Variants in ZNF423 observed in about 807,000 individuals in gnomAD.
The protein encoded by ZNF423 is zinc finger protein 423.
ZNF423 carries 12 observed loss-of-function variants against 95.8 expected under a neutral mutation model. The observed-to-expected ratio is 0.13, with a 90% CI of 0.08 to 0.20. The LOEUF is 0.20. Among genes scored for constraint, ZNF423 ranks in the 10% least tolerant of loss-of-function variants. The pLI, the probability that ZNF423 is intolerant of heterozygous loss-of-function variation, is 1.00. For synonymous variants in ZNF423, 749 were observed against 711.9 expected, an observed-to-expected ratio of 1.05 and a Z score of -0.83; for missense variants, 1,316 against 1,737.1, an observed-to-expected ratio of 0.76 and a Z score of 4.31.
intron 2 of ZNF423, among the ~76,000 whole-genome samples, chr16:49,781,722 G>A (rs2034216414): frequency 6.6e-6 from 1 of 152,198 alleles, no homozygotes; most frequent in Admixed American, 6.5e-5. Context: ...AAAACCTCGG[G>A]GCAAAGGACT....
At chr16:49,846,803 T>C (rs2242466) in intron 1 of ZNF423, among the ~76,000 whole-genome samples, 43,319 of 152,114 alleles carry the variant, frequency 0.28, 6,274 homozygotes, top group Middle Eastern at 0.36. Context: ...GACAAAGCCA[T>C]ATCTCTTGTT....
intron 2 of ZNF423, among the ~76,000 whole-genome samples, chr16:49,737,734 C>T (rs903533213): frequency 6.6e-6 from 1 of 152,254 alleles, no homozygotes; most frequent in Non-Finnish European, 1.5e-5. Context: ...CCTACCTTCC[C>T]AGCAGGGCTT....
At chr16:49,532,198 A>C (rs1968871301) in intron 5 of ZNF423, among the ~76,000 whole-genome samples, 2 of 152,228 alleles carry the variant, frequency 1.3e-5, no homozygotes, top group Non-Finnish European at 2.9e-5. Flanking sequence ...GATGGAAATG[A>C]TGCGAGTATA....
chr16:49,569,184 A>C (rs1277336159), intron 5 of ZNF423, among the ~76,000 whole-genome samples: 1 of 152,196 alleles, frequency 6.6e-6, no homozygotes, highest in Non-Finnish European at 1.5e-5. Context: ...CCTGGATGAC[A>C]AAATCCTTCT....
At chr16:49,578,314 GC>G (rs1970560474) in intron 5 of ZNF423, among the ~76,000 whole-genome samples, 1 of 152,156 alleles carries the variant, frequency 6.6e-6, no homozygotes, top group South Asian at 2.1e-4. Flanking sequence ...CCTGGCTCCA[GC>G]GGGGGAAGGA....
At chr16:49,659,149 C>T (rs1454236161) in intron 3 of ZNF423, among the ~76,000 whole-genome samples, 3 of 152,204 alleles carry the variant, frequency 2.0e-5, no homozygotes, top group South Asian at 2.1e-4. Context: ...AGTGCAGTGG[C>T]GCAATCATAG....
rs752875773 is a variant in ZNF423, at chr16:49,637,255, G to T, written c.1921C>A (p.Pro641Thr). 1.9e-6 allele frequency: 3 copies of T among 1,614,166 alleles called. No homozygotes were observed. The highest frequency in any genetic ancestry group is 2.5e-6 in the Non-Finnish European group (3 of 1,180,040). ...SANSISNGEY[P>T]CNQCDLKFSN... is the part of the protein sequence containing the mutation. ...AACTTGAGGTCGCATTGATTGCAAG[G>T]ATACTCCCCATTGGAGATGGAGTTG... The change falls in exon 4 of 8, where the codon CCT (proline) becomes ACT (threonine). Residue 641 changes from proline to threonine, a missense_variant. This residue lies in a region of ZNF423 where 620 missense variants were observed against 775.6 expected (regional missense o/e 0.80). Transcript: ENST00000563137. The surrounding 1 kb of genome is among the most constrained non-coding windows in gnomAD (Gnocchi z 5.6).
At chr16:49,838,808 C>T (rs1182484533) in intron 1 of ZNF423, among the ~76,000 whole-genome samples, 1 of 151,770 alleles carries the variant, frequency 6.6e-6, no homozygotes, top group East Asian at 1.9e-4. Flanking sequence ...CCGCCGCGGC[C>T]GCTTTGTGCC....
At chr16:49,679,832 G>T (rs574505691) in intron 3 of ZNF423, among the ~76,000 whole-genome samples, 13 of 152,372 alleles carry the variant, frequency 8.5e-5, no homozygotes, top group African/African-American at 3.1e-4. Context: ...AGCCCAGAGT[G>T]AGAACTTATG....
chr16:49,555,813 T>C (rs184141010), intron 5 of ZNF423, among the ~76,000 whole-genome samples: 2 of 151,654 alleles, frequency 1.3e-5, no homozygotes, highest in African/African-American at 2.4e-5. Flanking sequence ...AATGAAGAGG[T>C]TGGTGAGATG....
At position 49,637,277 on chromosome 16, in the gene ZNF423, G is replaced by A; in HGVS notation, c.1899C>T (p.Asn633=). Residue 633 remains asparagine, a synonymous_variant, in exon 4 of 8, where the codon AAC becomes AAT. Transcript: ENST00000563137. The surrounding 1 kb of genome is among the most constrained non-coding windows in gnomAD (Gnocchi z 5.6). Reference sequence around the variant, plus strand: ...AAGGATACTCCCCATTGGAGATGGAGTTGGCGCTTGCTGAGAGCCGCTGCC... The same window carrying A: ...AAGGATACTCCCCATTGGAGATGGAATTGGCGCTTGCTGAGAGCCGCTGCC... ...PKRQRLSASA[N]SISNGEYPCN... The A allele has an allele frequency of 6.2e-7, 1 of 1,614,240 alleles. No individual in the cohort carries two copies. The highest frequency in any genetic ancestry group is 1.7e-5 in the Admixed American group (1 of 60,034).
chr16:49,666,531 C>A (rs1233378333), intron 3 of ZNF423, among the ~76,000 whole-genome samples: 1 of 152,220 alleles, frequency 6.6e-6, no homozygotes, highest in Non-Finnish European at 1.5e-5. Flanking sequence ...TACACAGACA[C>A]ACAGTTCTAT....
intron 5 of ZNF423, among the ~76,000 whole-genome samples, chr16:49,548,394 G>A (rs1014866192): frequency 6.6e-6 from 1 of 152,120 alleles, no homozygotes; most frequent in Non-Finnish European, 1.5e-5. Flanking sequence ...CTATTTAATG[G>A]TACAAAGCAA....
chr16:49,764,256 G>A (rs893452941), intron 2 of ZNF423, among the ~76,000 whole-genome samples: 3 of 152,294 alleles, frequency 2.0e-5, no homozygotes, highest in Middle Eastern at 3.4e-3. Context: ...CAGCATAAGA[G>A]AAGACCATGC....
chr16:49,605,903 C>T (rs1045698344), intron 5 of ZNF423, among the ~76,000 whole-genome samples: 5 of 152,186 alleles, frequency 3.3e-5, no homozygotes, highest in African/African-American at 4.8e-5. Flanking sequence ...AGCAGATTCC[C>T]GGGAAAGGTG....
At chr16:49,810,498 G>A (rs1008299723) in intron 1 of ZNF423, among the ~76,000 whole-genome samples, 1 of 152,190 alleles carries the variant, frequency 6.6e-6, no homozygotes, top group East Asian at 1.9e-4. Context: ...CTGAGGGCCC[G>A]ACTCAGCTGA....
chr16:49,631,539 C>A (rs1046089063), intron 4 of ZNF423, among the ~76,000 whole-genome samples: 1 of 152,192 alleles, frequency 6.6e-6, no homozygotes, highest in African/African-American at 2.4e-5. Context: ...TGGGGCCCAG[C>A]CCAGGAGAAC....
chr16:49,514,484 G>T (rs1249226232), intron 7 of ZNF423, among the ~76,000 whole-genome samples: 2 of 152,134 alleles, frequency 1.3e-5, no homozygotes, highest in African/African-American at 4.8e-5. Context: ...TGAATCAAAT[G>T]TTCTCAAGGG....
At chr16:49,740,952 T>C (rs2033402472) in intron 2 of ZNF423, among the ~76,000 whole-genome samples, 1 of 152,152 alleles carries the variant, frequency 6.6e-6, no homozygotes, top group Non-Finnish European at 1.5e-5. Context: ...CCAGCCCCTG[T>C]CAGGGAGACG....
Sources: allele counts gnomAD v4.1 joint callset (sites outside exome capture counted in the v4.1 genomes callset), GRCh38; gene constraint gnomAD v4.1.1; regional missense constraint gnomAD v4.1.1; non-coding constraint Gnocchi (gnomAD v3.1); transcripts MANE v1.5; gene names NCBI Gene and HGNC (gene_info 2026-07-23, HGNC 2026-07-21).